WWOX: variants seen among roughly 807,000 people sequenced by gnomAD.
The protein encoded by WWOX is WW domain-containing oxidoreductase.
A neutral mutation model predicts 46.2 loss-of-function variants in WWOX; 69 were observed. The ratio of observed to expected loss-of-function variants is 1.49; its 90% confidence interval spans 1.23 to 1.82. WWOX has a LOEUF of 1.82. Ranked by LOEUF, WWOX falls within the 40% of genes most tolerant of loss-of-function variation. The pLI, the probability that WWOX is intolerant of heterozygous loss-of-function variation, is 0.00. For synonymous variants in WWOX, 359 were observed against 202.6 expected, an observed-to-expected ratio of 1.77 and a Z score of -6.56; for missense variants, 919 against 542.6, an observed-to-expected ratio of 1.69 and a Z score of -6.89.
chr16:79,023,616 C>G (rs1350032100), intron 8 of WWOX, among the ~76,000 whole-genome samples: 2 of 152,112 alleles, frequency 1.3e-5, no homozygotes, highest in Non-Finnish European at 2.9e-5. Context: ...TGTGCTACAA[C>G]TGGGATGAAC....
intron 3 of WWOX, among the ~76,000 whole-genome samples, chr16:78,112,978 T>A (rs961781099): frequency 2.6e-5 from 4 of 152,176 alleles, no homozygotes; most frequent in African/African-American, 9.7e-5. Flanking sequence ...AGCATTCATA[T>A]TACAGGCATG....
chr16:78,592,609 A>G (rs1390808412), intron 8 of WWOX, among the ~76,000 whole-genome samples: 2 of 152,206 alleles, frequency 1.3e-5, no homozygotes, highest in African/African-American at 2.4e-5. Flanking sequence ...TCTTAGAGCC[A>G]GAGCTGGAAG....
At chr16:78,703,568 C>T (rs2048270440) in intron 8 of WWOX, among the ~76,000 whole-genome samples, 3 of 151,962 alleles carry the variant, frequency 2.0e-5, no homozygotes. Context: ...GTAGTGAGCC[C>T]TGGTCTCACC....
At chr16:78,722,232 G>C (rs9923426) in intron 8 of WWOX, among the ~76,000 whole-genome samples, 7,695 of 152,244 alleles carry the variant, frequency 0.051, 628 homozygotes, top group African/African-American at 0.18. Context: ...TATGGTCACT[G>C]ACTCCGGGTT....
chr16:78,253,412 CATT>C (rs2038037089), intron 5 of WWOX, among the ~76,000 whole-genome samples: 1 of 152,142 alleles, frequency 6.6e-6, no homozygotes, highest in African/African-American at 2.4e-5. Flanking sequence ...TGTGAATAGA[CATT>C]ATTATGATGT....
At chr16:78,835,888 A>G (rs551734220) in intron 8 of WWOX, among the ~76,000 whole-genome samples, 64 of 152,214 alleles carry the variant, frequency 4.2e-4, no homozygotes, top group Non-Finnish European at 1.5e-4. Flanking sequence ...CTGACTTTTT[A>G]CGTAAACAGA....
At chr16:78,980,093 A>C (rs1014006114) in intron 8 of WWOX, among the ~76,000 whole-genome samples, 1 of 152,234 alleles carries the variant, frequency 6.6e-6, no homozygotes, top group Non-Finnish European at 1.5e-5. Flanking sequence ...GCACCACTGC[A>C]CTGCAGCCTT....
chr16:78,432,121 C>CT (rs112523358), intron 7 of WWOX, among the ~76,000 whole-genome samples: 7,426 of 142,902 alleles, frequency 0.052, 517 homozygotes, highest in African/African-American at 0.16. Flanking sequence ...CCTCAGATTG[C>CT]TTTTTTTTTT....
intron 4 of WWOX, among the ~76,000 whole-genome samples, chr16:78,150,226 A>G (rs2034352634): frequency 6.6e-6 from 1 of 152,190 alleles, no homozygotes; most frequent in Non-Finnish European, 1.5e-5. Flanking sequence ...ATGATAAAGG[A>G]TATTACAAAG....
chr16:78,653,048 C>T (rs2142148750), intron 8 of WWOX, among the ~76,000 whole-genome samples: 1 of 152,212 alleles, frequency 6.6e-6, no homozygotes, highest in East Asian at 1.9e-4. Context: ...ATTCCACTAG[C>T]ATGAGATAAT....
chr16:78,792,246 G>T (rs1157217193), intron 8 of WWOX, among the ~76,000 whole-genome samples: 2 of 152,120 alleles, frequency 1.3e-5, no homozygotes, highest in Admixed American at 6.5e-5. Flanking sequence ...TCTTTCTCAC[G>T]AGTCTGGCAA....
intron 8 of WWOX, among the ~76,000 whole-genome samples, chr16:78,779,940 A>G (rs1055936168): frequency 6.6e-6 from 1 of 152,236 alleles, no homozygotes; most frequent in Non-Finnish European, 1.5e-5. Flanking sequence ...CCACAAATCA[A>G]TAATGAAAAG....
In WWOX at chr16:78,718,763, C is replaced by A. The variant is rs149902254; in HGVS notation, c.1056+286011C>A. Among the ~76,000 whole-genome samples the A allele has an allele frequency of 5.7e-3, 873 of 152,052 alleles. 7 individuals are homozygous for A. Among genetic ancestry groups the A allele is most frequent in the African/African-American group, 0.02 (824 of 41,486 alleles). ...AGGATGTTTTTTTAAAAGAAGTATTCATTTAGGTGACACATATTTATTGAG... is the reference window on the plus strand; with the variant it reads ...AGGATGTTTTTTTAAAAGAAGTATTAATTTAGGTGACACATATTTATTGAG... On this transcript the variant is annotated intron_variant, in intron 8 of 8. Coordinates refer to ENST00000566780, the MANE Select transcript of WWOX (RefSeq NM_016373.4).
At chr16:78,845,226 C>G (rs1376449643) in intron 8 of WWOX, among the ~76,000 whole-genome samples, 2 of 150,472 alleles carry the variant, frequency 1.3e-5, no homozygotes, top group Admixed American at 1.3e-4. Context: ...AAAAATACTG[C>G]CTATTAGTCT....
rs532594425 is a variant in WWOX, at chr16:78,406,303, AATATATATATATATATAT to A, written c.606-18532_606-18515del. On this transcript the variant is annotated intron_variant, in intron 6 of 8. Transcript: ENST00000566780. ...CATTACATTACAGCATATAAATATA[AATATATATATATATATAT>A]ATATATATATATATATATATATATA... is the stretch of plus-strand genomic sequence containing the variant. Among the ~76,000 whole-genome samples, 359 of 57,842 alleles carry A rather than the reference AATATATATATATATATAT, an allele frequency of 6.2e-3. 3 individuals are homozygous for A. Among genetic ancestry groups the A allele is most frequent in the Non-Finnish European group, 0.01 (261 of 25,258 alleles). 37.9% of individuals were successfully genotyped at this position (57,842 alleles called of 152,430 possible).
At chr16:78,819,538 A>G (rs1006124622) in intron 8 of WWOX, among the ~76,000 whole-genome samples, 6 of 152,208 alleles carry the variant, frequency 3.9e-5, no homozygotes, top group African/African-American at 1.4e-4. Flanking sequence ...TGTAAATGTG[A>G]TGGCAGAACT....
chr16:79,012,944 C>A (rs998573825), intron 8 of WWOX, among the ~76,000 whole-genome samples: 1 of 152,186 alleles, frequency 6.6e-6, no homozygotes, highest in Non-Finnish European at 1.5e-5. Flanking sequence ...GTATTCCCAG[C>A]CCTTTGGGAG....
intron 8 of WWOX, among the ~76,000 whole-genome samples, chr16:79,012,985 A>G (rs2047342361): frequency 6.6e-6 from 1 of 152,172 alleles, no homozygotes; most frequent in South Asian, 2.1e-4. Context: ...TGAGGTCAGG[A>G]AGAACCTGGG....
chr16:78,495,184 A>G (rs2084885701), intron 8 of WWOX, among the ~76,000 whole-genome samples: 1 of 116,382 alleles, frequency 8.6e-6, no homozygotes, highest in Non-Finnish European at 1.7e-5. Context: ...CCTGTCGCCC[A>G]GGTTGCAGTG....
Sources: allele counts gnomAD v4.1 joint callset (sites outside exome capture counted in the v4.1 genomes callset), GRCh38; gene constraint gnomAD v4.1.1; transcripts MANE v1.5; gene names NCBI Gene and HGNC (gene_info 2026-07-23, HGNC 2026-07-21).